ST18: variants seen among roughly 807,000 people sequenced by gnomAD.
The protein encoded by ST18 is suppression of tumorigenicity 18 protein.
A neutral mutation model predicts 110.0 loss-of-function variants in ST18; 50 were observed. That is an observed-to-expected ratio of 0.45 (90% CI 0.36 to 0.58). The LOEUF (loss-of-function observed/expected upper bound fraction) is 0.58, where lower values mean the gene tolerates loss of function less well. ST18 is among the 20% of genes least tolerant of loss of function. The pLI, the probability that ST18 is intolerant of heterozygous loss-of-function variation, is 0.00. For synonymous variants in ST18, 461 were observed against 452.4 expected, an observed-to-expected ratio of 1.02 and a Z score of -0.24; for missense variants, 1,306 against 1,280.1, an observed-to-expected ratio of 1.02 and a Z score of -0.31.
chr8:52,386,155 T>C (rs1836660869), intron 2 of ST18, among the ~76,000 whole-genome samples: 1 of 152,186 alleles, frequency 6.6e-6, no homozygotes, highest in African/African-American at 2.4e-5. Flanking sequence ...ATTGGTTACA[T>C]AAAATAAGAC....
At chr8:52,326,528 T>C (rs1806500216) in intron 2 of ST18, among the ~76,000 whole-genome samples, 1 of 152,202 alleles carries the variant, frequency 6.6e-6, no homozygotes, top group Non-Finnish European at 1.5e-5. Flanking sequence ...GTGAGCTATA[T>C]ATTTAGGCAG....
chr8:52,118,476 A>C, intron 23 of ST18, 35 bp from the exon 24 acceptor site: 1 of 1,308,274 alleles, frequency 7.6e-7, no homozygotes, highest in Non-Finnish European at 1.1e-6. Flanking sequence ...TTCAAACTGA[A>C]AACTGTTAAC....
chr8:52,365,008 G>C (rs1345448610), intron 2 of ST18, among the ~76,000 whole-genome samples: 2 of 152,014 alleles, frequency 1.3e-5, no homozygotes, highest in African/African-American at 4.8e-5. Context: ...CAGCTACTTG[G>C]GAGGCAGAGG....
intron 2 of ST18, among the ~76,000 whole-genome samples, chr8:52,272,911 G>A (rs2095122425): frequency 6.6e-6 from 1 of 152,152 alleles, no homozygotes; most frequent in Non-Finnish European, 1.5e-5. Flanking sequence ...GGAGGGGAAA[G>A]AAATGGGGAG....
intron 8 of ST18, among the ~76,000 whole-genome samples, chr8:52,185,052 T>A (rs2071480293): frequency 6.6e-6 from 1 of 152,146 alleles, no homozygotes; most frequent in Non-Finnish European, 1.5e-5. Flanking sequence ...TGATTATGTT[T>A]GAGGAAAATC....
At chr8:52,168,068 C>A (rs1248696217) in intron 10 of ST18, among the ~76,000 whole-genome samples, 2 of 151,558 alleles carry the variant, frequency 1.3e-5, no homozygotes, top group Non-Finnish European at 2.9e-5. Flanking sequence ...ACTCTTAAAG[C>A]CCAAATTGCC....
At chr8:52,188,250 A>G (rs6989604) in intron 8 of ST18, among the ~76,000 whole-genome samples, 20,093 of 152,210 alleles carry the variant, frequency 0.13, 2,867 homozygotes, top group African/African-American at 0.36. Context: ...ATATGCTAGC[A>G]AAGGATCAGA....
chr8:52,113,883 T>C (rs563337202), intron 25 of ST18, among the ~76,000 whole-genome samples: 1 of 151,474 alleles, frequency 6.6e-6, no homozygotes, highest in East Asian at 2.0e-4. Flanking sequence ...CATTGCAATA[T>C]ACTTTTAAAA....
intron 8 of ST18, among the ~76,000 whole-genome samples, chr8:52,187,900 C>T (rs761910710): frequency 6.6e-6 from 1 of 152,138 alleles, no homozygotes; most frequent in Non-Finnish European, 1.5e-5. Flanking sequence ...TTAATTAATG[C>T]AATTGATCTT....
intron 2 of ST18, among the ~76,000 whole-genome samples, chr8:52,403,095 C>T (rs1843301242): frequency 6.6e-6 from 1 of 152,068 alleles, no homozygotes; most frequent in Admixed American, 6.5e-5. Flanking sequence ...GTAGCTGGGG[C>T]TGGGGCACAG....
intron 2 of ST18, among the ~76,000 whole-genome samples, chr8:52,280,095 A>C (rs1384809430): frequency 6.6e-6 from 1 of 152,094 alleles, no homozygotes; most frequent in Non-Finnish European, 1.5e-5. Context: ...AGAATGGAGA[A>C]GGTGTTGGTT....
Position 52,110,839 on chromosome 8 carries a change from C to T in ST18, c.*2359G>A, listed in dbSNP as rs555877198. 5.3e-6 allele frequency: 2 copies of T among 376,218 alleles called. No individual in the cohort carries two copies. Among genetic ancestry groups the T allele is most frequent in the South Asian group, 1.5e-4 (1 of 6,780 alleles). The allele number at this position is 376,218 out of a possible 1,614,324, so 23.3% of individuals were successfully genotyped here. The stretch of plus-strand genomic sequence containing the variant: ...GCCTGAGAAAGATCACATCAAAACT[C>T]GTTATCAATTTTTATTTCCTACCAT... On this transcript the variant is annotated 3_prime_UTR_variant, in exon 26 of 26. Coordinates refer to ENST00000689386, the MANE Select transcript of ST18 (RefSeq NM_001352837.2).
chr8:52,202,404 T>C (rs1474846474), intron 8 of ST18, among the ~76,000 whole-genome samples: 4 of 152,224 alleles, frequency 2.6e-5, no homozygotes, highest in East Asian at 1.9e-4. Flanking sequence ...GGCAGAATTA[T>C]ATATGATAAA....
chr8:52,147,181 TTGTGTG>T (rs1231274772), intron 16 of ST18, among the ~76,000 whole-genome samples: 1 of 152,198 alleles, frequency 6.6e-6, no homozygotes, highest in African/African-American at 2.4e-5. Flanking sequence ...GAATCCCATC[TTGTGTG>T]TGTGAATTTG....
intron 19 of ST18, among the ~76,000 whole-genome samples, chr8:52,136,227 A>C (rs1335223503): frequency 1.3e-5 from 2 of 152,174 alleles, no homozygotes; most frequent in African/African-American, 4.8e-5. Context: ...AATACCCAGC[A>C]GGTTAAGGAT....
In ST18 at chr8:52,231,411, T is replaced by A. The variant is rs150417160; in HGVS notation, c.-464-1334A>T. ...TAAAGGATATCCTCTCACTGGTAAG[T>A]TCCTGACTCTAAATCTTAATATGTT... On this transcript the variant is annotated intron_variant, in intron 2 of 25. Coordinates refer to ENST00000689386, the MANE Select transcript of ST18 (RefSeq NM_001352837.2). Among the ~76,000 whole-genome samples, 53 of 152,246 alleles carry A rather than the reference T, an allele frequency of 3.5e-4. 1 individual carries two copies. The East Asian group carries it at 7.9e-3, about 23-fold the overall frequency.
chr8:52,379,592 A>G (rs1402200284), intron 2 of ST18, among the ~76,000 whole-genome samples: 2 of 152,142 alleles, frequency 1.3e-5, no homozygotes, highest in African/African-American at 2.4e-5. Flanking sequence ...TGGATTTTGT[A>G]GCCGGTAAAT....
chr8:52,185,186 A>T (rs2071536513), intron 8 of ST18, among the ~76,000 whole-genome samples: 1 of 152,178 alleles, frequency 6.6e-6, no homozygotes, highest in Non-Finnish European at 1.5e-5. Flanking sequence ...AAACATTTAC[A>T]ATAGCATAGA....
chr8:52,352,140 G>T (rs562644304), intron 2 of ST18, among the ~76,000 whole-genome samples: 157 of 152,238 alleles, frequency 1.0e-3, no homozygotes, highest in Non-Finnish European at 2.0e-3. Context: ...CAGAGCACCT[G>T]CCCCCCACTT....
Sources: allele counts gnomAD v4.1 joint callset (sites outside exome capture counted in the v4.1 genomes callset), GRCh38; gene constraint gnomAD v4.1.1; transcripts MANE v1.5; gene names NCBI Gene and HGNC (gene_info 2026-07-23, HGNC 2026-07-21).